The following IKZF3 variants were observed in gnomAD, a reference collection of about 807,000 sequenced individuals.
IKZF3 encodes zinc finger protein Aiolos.
Under a neutral mutation model 49.0 loss-of-function variants are expected in IKZF3, and 10 were observed. The observed-to-expected ratio is 0.20, with a 90% CI of 0.13 to 0.35. The LOEUF (loss-of-function observed/expected upper bound fraction) is 0.35. Among genes scored for constraint, IKZF3 ranks in the 10% least tolerant of loss-of-function variants. IKZF3 has a pLI of 1.00. For synonymous variants in IKZF3, 209 were observed against 228.2 expected, an observed-to-expected ratio of 0.92 and a Z score of 0.76; for missense variants, 498 against 664.8, an observed-to-expected ratio of 0.75 and a Z score of 2.76.
In IKZF3 at chr17:39,759,878, C is replaced by T. The variant is rs536486213; in HGVS notation, c.*5912G>A. On this transcript the variant is annotated 3_prime_UTR_variant, in exon 8 of 8. Transcript: ENST00000346872. ...TAAAAGATGAGGTATCACTATATATCGGGTTTTTTTCTTCTGTTCCTGGTG... is the reference window on the plus strand; with the variant it reads ...TAAAAGATGAGGTATCACTATATATTGGGTTTTTTTCTTCTGTTCCTGGTG... 3.9e-5 allele frequency: 6 copies of T among 152,296 alleles called. No homozygotes were observed. Among genetic ancestry groups the T allele is most frequent in the South Asian group, 2.1e-4 (1 of 4,826 alleles). The allele number at this position is 152,296 out of a possible 1,614,324, so 9.4% of individuals were successfully genotyped here. A position where few individuals can be genotyped will look rare whatever the true frequency, so the allele number is the denominator to read the frequency against.
intron 3 of IKZF3, among the ~76,000 whole-genome samples, chr17:39,798,246 T>C (rs1418638638): frequency 1.3e-5 from 2 of 152,204 alleles, no homozygotes; most frequent in African/African-American, 4.8e-5. Flanking sequence ...GCTACAAGAT[T>C]GCTCTTCCTA....
At chr17:39,855,048 G>C (rs530302914) in intron 1 of IKZF3, among the ~76,000 whole-genome samples, 1 of 152,114 alleles carries the variant, frequency 6.6e-6, no homozygotes, top group African/African-American at 2.4e-5. Flanking sequence ...AACATGTAAC[G>C]GTCTAAATCA....
rs191042135 is a variant in IKZF3, at chr17:39,823,663, T to C, written c.163+5724A>G. 3.6e-3 allele frequency among the ~76,000 whole-genome samples: 549 copies of C among 152,300 alleles called. 2 individuals are homozygous for C. Among genetic ancestry groups the C allele is most frequent in the Non-Finnish European group, 5.9e-3 (401 of 68,020 alleles). ...AGGACATGGTGCTCTGTGTCCCAGC[T>C]GCTCCAGCTGCATCTAAAAGGGGCA... On this transcript the variant is annotated intron_variant, in intron 3 of 7. Coordinates refer to ENST00000346872, the MANE Select transcript of IKZF3 (RefSeq NM_012481.5).
chr17:39,835,021 T>G, intron 1 of IKZF3: 1 of 411,278 alleles, frequency 2.4e-6, no homozygotes, highest in Non-Finnish European at 4.7e-6. Context: ...GTCTTGATCT[T>G]CTTCACAACC....
At chr17:39,815,004 C>T (rs2061646135) in intron 3 of IKZF3, among the ~76,000 whole-genome samples, 1 of 152,102 alleles carries the variant, frequency 6.6e-6, no homozygotes, top group Non-Finnish European at 1.5e-5. Context: ...GAACAAATGG[C>T]TTGTGTAAAT....
intron 3 of IKZF3, among the ~76,000 whole-genome samples, chr17:39,814,116 A>G (rs2061625199): frequency 6.6e-6 from 1 of 152,188 alleles, no homozygotes; most frequent in African/African-American, 2.4e-5. Context: ...AGGGACCGAG[A>G]CTATGCCATG....
At chr17:39,835,670 C>T in intron 1 of IKZF3, 1 of 442,650 alleles carries the variant, frequency 2.3e-6, no homozygotes, top group Non-Finnish European at 4.4e-6. Flanking sequence ...GCGTGGACAG[C>T]CCCACAGATG....
chr17:39,799,947 T>C (rs544359670), intron 3 of IKZF3, among the ~76,000 whole-genome samples: 1 of 152,344 alleles, frequency 6.6e-6, no homozygotes, highest in Admixed American at 6.5e-5. Context: ...GATGTGTTCA[T>C]AAAATGTTTC....
chr17:39,829,306 T>C, intron 3 of IKZF3, 81 bp downstream of exon 3: 1 of 933,736 alleles, frequency 1.1e-6, no homozygotes, highest in South Asian at 1.6e-5. Context: ...CAAGTTTTCC[T>C]TGGAGAGCTG....
At chr17:39,777,182 C>T (rs1424564703) in intron 7 of IKZF3, among the ~76,000 whole-genome samples, 1 of 152,174 alleles carries the variant, frequency 6.6e-6, no homozygotes, top group Non-Finnish European at 1.5e-5. Context: ...TCTATGTTTG[C>T]CCAACCACTT....
rs750327402 is a variant in IKZF3, at chr17:39,788,259, A to G, written c.708T>C (p.Thr236=). The G allele has an allele frequency of 6.2e-7, 1 of 1,600,846 alleles. No homozygotes were observed. The highest frequency in any genetic ancestry group is 1.7e-5 in the Admixed American group (1 of 59,978). Residue 236 remains threonine, a splice_region_variant and synonymous_variant, in exon 6 of 8, where the codon ACT becomes ACC. Transcript: ENST00000346872. Reference sequence around the variant, plus strand: ...TAAACGTGTGTTGCGTGAACTCACCAGTGTCCCCTGGGTCAGTGCTCTGAA... The same window carrying G: ...TAAACGTGTGTTGCGTGAACTCACCGGTGTCCCCTGGGTCAGTGCTCTGAA... ...TFLQSTDPGD[T]ASAEARHIKA... is the part of the protein sequence containing the mutation.
intron 1 of IKZF3, among the ~76,000 whole-genome samples, chr17:39,832,736 G>C (rs186148442): frequency 1.4e-3 from 219 of 152,110 alleles, no homozygotes; most frequent in African/African-American, 5.1e-3. Context: ...GTGGGAATGG[G>C]GGATGAAGAG....
Position 39,837,086 on chromosome 17 carries a change from T to C in IKZF3, c.8-4935A>G, listed in dbSNP as rs1326227332. 3.3e-5 allele frequency among the ~76,000 whole-genome samples: 5 copies of C among 151,866 alleles called. No homozygotes were observed. The East Asian group carries it at 7.8e-4, about 24-fold the overall frequency. ...AACTAGGACTACAGAAGCACCACCA[T>C]GCCTGGCTAATTTAAAAAAAATTCT... is the stretch of plus-strand genomic sequence containing the variant. On this transcript the variant is annotated intron_variant, in intron 1 of 7. Coordinates refer to ENST00000346872, the MANE Select transcript of IKZF3 (RefSeq NM_012481.5).
At position 39,792,885 on chromosome 17, in the gene IKZF3, A is replaced by C. The variant is rs1362693739; in HGVS notation, c.212T>G (p.Val71Gly). 1.2e-6 allele frequency: 2 copies of C among 1,614,014 alleles called. No homozygotes were observed. Among genetic ancestry groups the C allele is most frequent in the Admixed American group, 3.3e-5 (2 of 60,020 alleles). Residue 71 changes from valine (V) to glycine (G), a missense_variant, in exon 4 of 8, where the codon GTT (valine) becomes GGT (glycine). Physicochemically the swap from Val to Gly is moderately radical, Grantham distance 109. Transcript: ENST00000346872. ...ATTTCCCATGGGTTCTGACTTTAAA[A>C]CATTCTCATCTCTTTCACTGTATTC... ...KDEYSERDEN[V>G]LKSEPMGNAE...
At chr17:39,812,958 C>T (rs7213118) in intron 3 of IKZF3, among the ~76,000 whole-genome samples, 5,382 of 151,932 alleles carry the variant, frequency 0.035, 332 homozygotes, top group African/African-American at 0.12. Context: ...TAAAATTAGC[C>T]GGGTGTGGTG....
At chr17:39,801,329 G>A (rs1238205960) in intron 3 of IKZF3, among the ~76,000 whole-genome samples, 1 of 138,136 alleles carries the variant, frequency 7.2e-6, no homozygotes, top group Non-Finnish European at 1.6e-5. Flanking sequence ...TAATGCTACA[G>A]ATGTTCAGCC....
chr17:39,767,817 C>A (rs1363685772), intron 7 of IKZF3, among the ~76,000 whole-genome samples: 1 of 152,088 alleles, frequency 6.6e-6, no homozygotes, highest in Non-Finnish European at 1.5e-5. Flanking sequence ...AATCCTAGCA[C>A]TTTGGGAGGC....
chr17:39,847,314 C>G (rs542526640), intron 1 of IKZF3, among the ~76,000 whole-genome samples: 1 of 152,048 alleles, frequency 6.6e-6, no homozygotes, highest in African/African-American at 2.4e-5. Context: ...ATATTAGAAT[C>G]GAAATTATTA....
At position 39,829,370 on chromosome 17, in the gene IKZF3, T is replaced by C; in HGVS notation, c.163+17A>G. On this transcript the variant is annotated intron_variant, in intron 3 of 7. Transcript: ENST00000346872. ...TATCTACAGGCATCAGTGTTTAGTC[T>C]GCACACTACGGCTCACCTCCTATGT... 1 of 1,571,238 alleles carries C rather than the reference T, an allele frequency of 6.4e-7. No homozygotes were observed. Among genetic ancestry groups the C allele is most frequent in the Non-Finnish European group, 8.8e-7 (1 of 1,141,062 alleles).
Sources: gnomAD v4.1 joint callset for allele counts (sites outside exome capture counted in the v4.1 genomes callset) on GRCh38, gnomAD v4.1.1 for gene constraint, MANE v1.5 for transcripts, NCBI Gene and HGNC (gene_info 2026-07-23, HGNC 2026-07-21) for gene names.